The following CDYL variants were observed in gnomAD, a reference collection of about 807,000 sequenced individuals.
CDYL encodes the protein chromodomain Y like.
CDYL carries 8 observed loss-of-function variants against 47.3 expected under a neutral mutation model. The ratio of observed to expected loss-of-function variants is 0.17; its 90% CI spans 0.10 to 0.31. The LOEUF (loss-of-function observed/expected upper bound fraction) is 0.31, where lower values mean the gene tolerates loss of function less well. Among genes scored for constraint, CDYL ranks in the 10% least tolerant of loss-of-function variants. The probability of loss-of-function intolerance (pLI) is 1.00; values close to 1 mark genes in which losing one functional copy is unlikely to be tolerated. For synonymous variants in CDYL, 266 were observed against 265.0 expected, an observed-to-expected ratio of 1.00 and a Z score of -0.04; for missense variants, 471 against 701.4, an observed-to-expected ratio of 0.67 and a Z score of 3.71.
In CDYL at chr6:4,878,710, A is replaced by G. The variant is rs1761684048; in HGVS notation, c.25-13003A>G. Among the ~76,000 whole-genome samples the G allele has an allele frequency of 2.0e-5, 3 of 152,214 alleles. No individual in the cohort carries two copies. In the South Asian group the frequency reaches 6.2e-4, roughly 32 times the overall value. The stretch of plus-strand genomic sequence containing the variant: ...TTAGGGCTATATCAATTTAAATAAT[A>G]TTCCAAAGAAGCATCTTTTGGCTTT... On this transcript the variant is annotated intron_variant, in intron 1 of 6. Coordinates refer to ENST00000397588, the MANE Select transcript of CDYL (RefSeq NM_004824.4).
chr6:4,785,136 G>C (rs1380296150), intron 1 of CDYL, among the ~76,000 whole-genome samples: 1 of 152,204 alleles, frequency 6.6e-6, no homozygotes, highest in Admixed American at 6.5e-5. Flanking sequence ...AGTAACATCT[G>C]TACAGGTCTG....
At chr6:4,943,787 A>G in intron 5 of CDYL, 31 bp downstream of exon 5, 1 of 1,410,860 alleles carries the variant, frequency 7.1e-7, no homozygotes, top group Non-Finnish European at 9.7e-7. Flanking sequence ...AAAAAAAAAA[A>G]GTCATTCTAG....
intron 1 of CDYL, among the ~76,000 whole-genome samples, chr6:4,818,027 C>T (rs554616749): frequency 2.6e-5 from 4 of 152,096 alleles, no homozygotes; most frequent in South Asian, 4.2e-4. Flanking sequence ...GAGGCTGAGG[C>T]GGGCAGATTG....
At chr6:4,801,251 T>C (rs1271335337) in intron 1 of CDYL, among the ~76,000 whole-genome samples, 1 of 152,238 alleles carries the variant, frequency 6.6e-6, no homozygotes, top group Non-Finnish European at 1.5e-5. Flanking sequence ...GCCATATCTG[T>C]TCACTTATTG....
intron 1 of CDYL, among the ~76,000 whole-genome samples, chr6:4,825,877 T>G (rs1581192580): frequency 6.7e-6 from 1 of 148,538 alleles, no homozygotes; most frequent in Non-Finnish European, 1.5e-5. Context: ...GAGAGTCACC[T>G]GACACACATC....
intron 1 of CDYL, among the ~76,000 whole-genome samples, chr6:4,812,791 A>G (rs184544686): frequency 1.6e-4 from 24 of 152,102 alleles, no homozygotes; most frequent in African/African-American, 5.8e-4. Flanking sequence ...AGGTATGTGA[A>G]GTGTTGAGCC....
At chr6:4,768,855 T>C (rs1336774916) in intron 3 of CDYL, among the ~76,000 whole-genome samples, 2 of 152,224 alleles carry the variant, frequency 1.3e-5, no homozygotes, top group Non-Finnish European at 2.9e-5. Context: ...ATGTTGATCG[T>C]AGGTATCCTT....
At chr6:4,824,820 A>T (rs954645112) in intron 1 of CDYL, among the ~76,000 whole-genome samples, 1 of 151,966 alleles carries the variant, frequency 6.6e-6, no homozygotes, top group Non-Finnish European at 1.5e-5. Flanking sequence ...ACCTTTTGCA[A>T]GTCCATATGA....
chr6:4,719,447 A>T (rs1260296244), intron 2 of CDYL, among the ~76,000 whole-genome samples: 1 of 152,004 alleles, frequency 6.6e-6, no homozygotes, highest in African/African-American at 2.4e-5. Flanking sequence ...CCCACTCATC[A>T]TGTGGTACCT....
At chr6:4,935,055 G>A (rs1758146671) in intron 2 of CDYL, among the ~76,000 whole-genome samples, 1 of 152,224 alleles carries the variant, frequency 6.6e-6, no homozygotes, top group Non-Finnish European at 1.5e-5. Context: ...CGCAGAGAAG[G>A]CTGGCTGCAT....
intron 3 of CDYL, among the ~76,000 whole-genome samples, chr6:4,760,620 A>G (rs936464631): frequency 5.9e-5 from 9 of 152,214 alleles, no homozygotes; most frequent in Admixed American, 5.2e-4. Context: ...TGTTGCCTAG[A>G]AAAAGGTCTA....
chr6:4,820,228 A>G (rs1276912184), intron 1 of CDYL, among the ~76,000 whole-genome samples: 1 of 152,174 alleles, frequency 6.6e-6, no homozygotes, highest in East Asian at 1.9e-4. Context: ...GTTTTTCAGC[A>G]GTTGTAGCAT....
intron 2 of CDYL, among the ~76,000 whole-genome samples, chr6:4,919,441 A>G (rs1182911466): frequency 1.3e-5 from 2 of 152,370 alleles, no homozygotes; most frequent in East Asian, 3.8e-4. Context: ...GCTTGGGACC[A>G]GAAGTGTTTC....
In CDYL at chr6:4,841,521, G is replaced by A. The variant is rs187153973; in HGVS notation, c.25-50192G>A. 1.8e-3 allele frequency among the ~76,000 whole-genome samples: 273 copies of A among 152,138 alleles called. 3 individuals are homozygous for A. Among genetic ancestry groups the A allele is most frequent in the African/African-American group, 6.2e-3 (257 of 41,526 alleles). On this transcript the variant is annotated intron_variant, in intron 1 of 6. Transcript: ENST00000397588. ...TTCTCTTTCAGACTTTTCAGTGTTA[G>A]GCGTTTAAGCATATGAACTTTCCAC... is the stretch of plus-strand genomic sequence containing the variant.
chr6:4,726,440 G>A (rs1234582000), intron 2 of CDYL, among the ~76,000 whole-genome samples: 6 of 151,102 alleles, frequency 4.0e-5, no homozygotes, highest in Admixed American at 2.0e-4. Context: ...GCTGAGGCAG[G>A]AGAATTGCTT....
At chr6:4,884,416 G>T (rs192343819) in intron 1 of CDYL, among the ~76,000 whole-genome samples, 170 of 152,310 alleles carry the variant, frequency 1.1e-3, no homozygotes, top group African/African-American at 3.8e-3. Context: ...GAGTGGATTT[G>T]GTTCCAGCCT....
intron 2 of CDYL, among the ~76,000 whole-genome samples, chr6:4,725,764 G>A (rs1268939673): frequency 6.6e-6 from 1 of 152,268 alleles, no homozygotes; most frequent in Non-Finnish European, 1.5e-5. Context: ...CAGTGCAGCG[G>A]CGGGCTGAGG....
intron 3 of CDYL, among the ~76,000 whole-genome samples, chr6:4,937,229 C>A (rs181810304): frequency 1.3e-5 from 2 of 151,872 alleles, no homozygotes; most frequent in Non-Finnish European, 1.5e-5. Flanking sequence ...CATGATGGCA[C>A]AAGCCTATAG....
At chr6:4,891,680 T>G (rs924269796) in intron 1 of CDYL, 33 bp from the exon 2 acceptor site, 3 of 1,539,612 alleles carry the variant, frequency 1.9e-6, no homozygotes, top group Non-Finnish European at 8.7e-7. Flanking sequence ...AATTTTGATT[T>G]TTTTAAAACT....
Sources: allele counts gnomAD v4.1 joint callset (sites outside exome capture counted in the v4.1 genomes callset), GRCh38; gene constraint gnomAD v4.1.1; transcripts MANE v1.5; gene names NCBI Gene and HGNC (gene_info 2026-07-23, HGNC 2026-07-21).